SLC22A23: variants seen among roughly 807,000 people sequenced by gnomAD.
SLC22A23 encodes solute carrier family 22 member 23, also known as ion transporter protein.
Under a neutral mutation model 61.0 loss-of-function variants are expected in SLC22A23, and 26 were observed. The observed-to-expected ratio is 0.43, with a 90% CI of 0.31 to 0.59. The LOEUF (loss-of-function observed/expected upper bound fraction) is 0.59, where lower values mean the gene tolerates loss of function less well. SLC22A23 is among the 20% of genes least tolerant of loss of function. The pLI, the probability that SLC22A23 is intolerant of heterozygous loss-of-function variation, is 0.11. For missense variants in SLC22A23, 796 were observed against 934.7 expected (o/e 0.85, Z 1.94); for synonymous variants, 430 against 413.9 (o/e 1.04, Z -0.47).
Position 3,273,388 on chromosome 6 carries a change from C to T in SLC22A23, c.1728G>A (p.Leu576=). 6.2e-7 allele frequency: 1 copy of T among 1,612,046 alleles called. No individual in the cohort carries two copies. The change falls in exon 10 of 10, where the codon CTG becomes CTA. Residue 576 remains leucine (L), a synonymous_variant. Transcript: ENST00000406686. ...TCAGCATGCCGAAGCCCGCGCTGGCCAGCACCAGCCCCAGCCCGCCACACC... is the reference window on the plus strand; with the variant it reads ...TCAGCATGCCGAAGCCCGCGCTGGCTAGCACCAGCCCCAGCCCGCCACACC... The part of the protein sequence containing the change: ...VIRCGGLGLV[L]ASAGFGMLTA...
chr6:3,332,205 C>T (rs1157810808), intron 3 of SLC22A23, among the ~76,000 whole-genome samples: 3 of 152,286 alleles, frequency 2.0e-5, no homozygotes, highest in Admixed American at 6.5e-5. Context: ...GGAAGATGAT[C>T]TGACTTTTAT....
chr6:3,320,807 A>G (rs995304552), intron 4 of SLC22A23, among the ~76,000 whole-genome samples: 1 of 152,190 alleles, frequency 6.6e-6, no homozygotes. Context: ...TCCTATATAT[A>G]TATTAAGAGG....
intron 3 of SLC22A23, among the ~76,000 whole-genome samples, chr6:3,396,685 C>T (rs1016730593): frequency 1.2e-4 from 19 of 152,308 alleles, no homozygotes; most frequent in Admixed American, 2.6e-4. Context: ...CAGCAGGCAC[C>T]GGCATGCACC....
intron 1 of SLC22A23, among the ~76,000 whole-genome samples, chr6:3,445,389 AG>A (rs1771843736): frequency 6.6e-6 from 1 of 152,130 alleles, no homozygotes; most frequent in Non-Finnish European, 1.5e-5. Flanking sequence ...AGTAGAGACC[AG>A]GGTTTCACCA....
chr6:3,392,633 T>C (rs969579511), intron 3 of SLC22A23, among the ~76,000 whole-genome samples: 4 of 152,084 alleles, frequency 2.6e-5, no homozygotes, highest in African/African-American at 9.7e-5. Flanking sequence ...GGACTCAGAA[T>C]GTAATTTGGA....
At position 3,284,757 on chromosome 6, in the gene SLC22A23, C is replaced by A. The variant is rs374387062; in HGVS notation, c.1579+322G>T. 9.8e-5 allele frequency among the ~76,000 whole-genome samples: 15 copies of A among 152,370 alleles called. No individual in the cohort carries two copies. The South Asian group carries it at 1.0e-3, about 11-fold the overall frequency. On this transcript the variant is annotated intron_variant, in intron 8 of 9. Coordinates refer to ENST00000406686, the MANE Select transcript of SLC22A23 (RefSeq NM_015482.2). ...CCAGCACTCCCAGGCTTTCTCCCCC[C>A]ACCCAGACAACTGTCCCTAAGACAA...
chr6:3,355,466 A>C (rs549886334), intron 3 of SLC22A23, among the ~76,000 whole-genome samples: 6 of 152,302 alleles, frequency 3.9e-5, no homozygotes, highest in African/African-American at 1.4e-4. Flanking sequence ...GATCTCTTAG[A>C]AATATAAATG....
intron 1 of SLC22A23, among the ~76,000 whole-genome samples, 182 bp downstream of exon 1, chr6:3,455,724 C>T (rs534714791): frequency 9.8e-5 from 15 of 152,328 alleles, no homozygotes; most frequent in African/African-American, 3.4e-4. Context: ...GGCTATGGTG[C>T]TCCCTTTACA....
intron 1 of SLC22A23, among the ~76,000 whole-genome samples, chr6:3,417,181 T>C (rs547153385): frequency 6.6e-6 from 1 of 152,186 alleles, no homozygotes; most frequent in African/African-American, 2.4e-5. Flanking sequence ...CTGGGATAAG[T>C]AGAAAGCCAC....
chr6:3,279,845 C>T (rs1759275241), intron 9 of SLC22A23, among the ~76,000 whole-genome samples: 1 of 152,090 alleles, frequency 6.6e-6, no homozygotes, highest in African/African-American at 2.4e-5. Flanking sequence ...TTGTAATACC[C>T]ACGGGATATC....
In SLC22A23 at chr6:3,304,518, A is replaced by G. The variant is rs1761834055; in HGVS notation, c.1083-6300T>C. Among the ~76,000 whole-genome samples the G allele has an allele frequency of 6.7e-6, 1 of 149,962 alleles. No individual in the cohort carries two copies. Among genetic ancestry groups the G allele is most frequent in the Non-Finnish European group, 1.5e-5 (1 of 66,538 alleles). On this transcript the variant is annotated intron_variant, in intron 4 of 9. Coordinates refer to ENST00000406686, the MANE Select transcript of SLC22A23 (RefSeq NM_015482.2). The surrounding 1 kb of genome is among the most constrained non-coding windows in gnomAD (Gnocchi z 4.3). Reference sequence around the variant, plus strand: ...AGCCCAAGCTTTCGATGGGTCTCCAAATTGTTTTTTTCTAATACATACTGA... The same window carrying G: ...AGCCCAAGCTTTCGATGGGTCTCCAGATTGTTTTTTTCTAATACATACTGA...
At chr6:3,357,962 T>G (rs933782126) in intron 3 of SLC22A23, among the ~76,000 whole-genome samples, 1 of 152,058 alleles carries the variant, frequency 6.6e-6, no homozygotes, top group African/African-American at 2.4e-5. Context: ...TGTCCTGCCA[T>G]GTGGGTGAGG....
At chr6:3,305,809 A>C (rs1761935112) in intron 4 of SLC22A23, among the ~76,000 whole-genome samples, 1 of 152,184 alleles carries the variant, frequency 6.6e-6, no homozygotes, top group Admixed American at 6.5e-5. Context: ...CAACCGTAAA[A>C]CACAACTAGG....
chr6:3,292,652 G>A (rs1483917996), intron 5 of SLC22A23, among the ~76,000 whole-genome samples: 1 of 152,250 alleles, frequency 6.6e-6, no homozygotes, highest in Admixed American at 6.5e-5. Flanking sequence ...GGATCCCCGT[G>A]TGGTCGGGGC....
At position 3,286,289 on chromosome 6, in the gene SLC22A23, G is replaced by C. The variant is rs2127319274; in HGVS notation, c.1546+570C>G. Among the ~76,000 whole-genome samples the C allele has an allele frequency of 6.6e-6, 1 of 152,226 alleles. No individual in the cohort carries two copies. ...AATTATTTTTTGTATATTTAGTAGAGATGGGGTTTCACTACATTGGTCAGG... is the reference window on the plus strand; with the variant it reads ...AATTATTTTTTGTATATTTAGTAGACATGGGGTTTCACTACATTGGTCAGG... On this transcript the variant is annotated intron_variant, in intron 7 of 9. Transcript: ENST00000406686. The surrounding 1 kb of genome is among the most constrained non-coding windows in gnomAD (Gnocchi z 4.2).
intron 4 of SLC22A23, among the ~76,000 whole-genome samples, chr6:3,316,809 T>A (rs1762669988): frequency 6.6e-6 from 1 of 152,212 alleles, no homozygotes; most frequent in Admixed American, 6.5e-5. Flanking sequence ...GCTAATTTTT[T>A]AAATTTTTGG....
At position 3,437,562 on chromosome 6, in the gene SLC22A23, G is replaced by A. The variant is rs539833235; in HGVS notation, c.654+18344C>T. On this transcript the variant is annotated intron_variant, in intron 1 of 9. Transcript: ENST00000406686. Reference sequence around the variant, plus strand: ...AAATTAGTCAGGTGTGGTGGCAGGCGCCTGTAGTCCCAGGTACTCGGGAGG... The same window carrying A: ...AAATTAGTCAGGTGTGGTGGCAGGCACCTGTAGTCCCAGGTACTCGGGAGG... Among the ~76,000 whole-genome samples the A allele has an allele frequency of 1.1e-4, 17 of 151,520 alleles. No individual in the cohort carries two copies. In the South Asian group the frequency reaches 1.3e-3, roughly 11 times the overall value.
rs1761194825 is a variant in SLC22A23 at position 3,297,306 on chromosome 6, G to A, written c.1210+785C>T. 2.6e-5 allele frequency among the ~76,000 whole-genome samples: 4 copies of A among 152,172 alleles called. No homozygotes were observed. The highest frequency in any genetic ancestry group is 2.6e-4 in the Admixed American group (4 of 15,280). ...GATGGCCTGGAGGTTATTTTCCCAG[G>A]GAATTTTATAGCAACAATTTATCCC... On this transcript the variant is annotated intron_variant, in intron 5 of 9. Transcript: ENST00000406686. This position sits in a 1 kb window ranked among gnomAD's most constrained non-coding sequence, Gnocchi z 4.3.
In SLC22A23 at chr6:3,274,872, T is replaced by G. The variant is rs375383051; in HGVS notation, c.1704-1460A>C. 8.2e-5 allele frequency among the ~76,000 whole-genome samples: 12 copies of G among 146,192 alleles called. No homozygotes were observed. In the East Asian group the frequency reaches 1.9e-3, roughly 24 times the overall value. On this transcript the variant is annotated intron_variant, in intron 9 of 9. Coordinates refer to ENST00000406686, the MANE Select transcript of SLC22A23 (RefSeq NM_015482.2). Reference sequence around the variant, plus strand: ...TGGAGTGACATTCCATGTTCATGAATTAGAAGACTAAATATTATAAAGATG... The same window carrying G: ...TGGAGTGACATTCCATGTTCATGAAGTAGAAGACTAAATATTATAAAGATG...
Sources: allele counts gnomAD v4.1 joint callset (sites outside exome capture counted in the v4.1 genomes callset), GRCh38; gene constraint gnomAD v4.1.1; non-coding constraint Gnocchi (gnomAD v3.1); transcripts MANE v1.5; gene names NCBI Gene and HGNC (gene_info 2026-07-23, HGNC 2026-07-21).